The following EDAR variants were observed in gnomAD, a reference collection of about 807,000 sequenced individuals.
The protein encoded by EDAR is ectodysplasin A receptor.
A neutral mutation model predicts 51.3 loss-of-function variants in EDAR; 38 were observed. The observed-to-expected ratio is 0.74, with a 90% CI of 0.57 to 0.97. The LOEUF (loss-of-function observed/expected upper bound fraction) is 0.97. Ranked by LOEUF, EDAR falls within the 50% of genes least tolerant of loss-of-function variation. The pLI, the probability that EDAR is intolerant of heterozygous loss-of-function variation, is 0.00. For synonymous variants in EDAR, 227 were observed against 242.1 expected (o/e 0.94, Z 0.58); for missense variants, 528 against 595.0 (o/e 0.89, Z 1.17).
intron 5 of EDAR, among the ~76,000 whole-genome samples, chr2:108,919,244 G>C (rs751327914): frequency 5.9e-5 from 9 of 152,218 alleles, no homozygotes; most frequent in Non-Finnish European, 1.3e-4. Flanking sequence ...GAGTAGCAGA[G>C]ATTTCTCCAA....
At chr2:108,916,673 G>C (rs767256704) in intron 5 of EDAR, among the ~76,000 whole-genome samples, 20 of 152,308 alleles carry the variant, frequency 1.3e-4, no homozygotes, top group Non-Finnish European at 2.5e-4. Flanking sequence ...GTTGGTGAGA[G>C]AAATGCTTGC....
intron 1 of EDAR, among the ~76,000 whole-genome samples, chr2:108,976,297 G>C (rs1330514021): frequency 6.6e-6 from 1 of 152,190 alleles, no homozygotes. Flanking sequence ...ACTGAGAGTT[G>C]TCAGATGTTT....
chr2:108,899,531 CCTTCT>C (rs1473131522), intron 11 of EDAR, among the ~76,000 whole-genome samples: 1 of 152,198 alleles, frequency 6.6e-6, no homozygotes, highest in Non-Finnish European at 1.5e-5. Flanking sequence ...AATAGACTTT[CCTTCT>C]CTTTTTAAGT....
intron 4 of EDAR, among the ~76,000 whole-genome samples, 197 bp downstream of exon 4, chr2:108,929,001 T>G (rs1221865989): frequency 1.3e-5 from 2 of 152,234 alleles, no homozygotes; most frequent in African/African-American, 2.4e-5. Context: ...CAGAGCCTGA[T>G]GGGCTGCCTG....
At chr2:108,923,126 C>T (rs936567668) in intron 5 of EDAR, among the ~76,000 whole-genome samples, 4 of 152,188 alleles carry the variant, frequency 2.6e-5, no homozygotes, top group South Asian at 2.1e-4. Flanking sequence ...GGTTAAGTGA[C>T]TTGTCAGGTA....
chr2:108,932,300 G>A (rs1365196508), intron 1 of EDAR, among the ~76,000 whole-genome samples: 6 of 151,946 alleles, frequency 3.9e-5, no homozygotes, highest in Admixed American at 1.3e-4. Flanking sequence ...AGGCTGAGAC[G>A]GGCGGATCAC....
At chr2:108,933,446 G>C (rs958038968) in intron 1 of EDAR, among the ~76,000 whole-genome samples, 10 of 152,212 alleles carry the variant, frequency 6.6e-5, no homozygotes, top group African/African-American at 2.4e-4. Context: ...GGACAGACCT[G>C]ACTGGGGTCA....
At chr2:108,961,842 A>G (rs1299111986) in intron 1 of EDAR, among the ~76,000 whole-genome samples, 1 of 152,152 alleles carries the variant, frequency 6.6e-6, no homozygotes, top group East Asian at 1.9e-4. Context: ...CTTCACACTA[A>G]TGGCCCCTGT....
chr2:108,910,974 T>C lies in EDAR; in HGVS notation c.628A>G (p.Ile210Val). 6.2e-7 allele frequency: 1 copy of C among 1,614,124 alleles called. No individual in the cohort carries two copies. The highest frequency in any genetic ancestry group is 1.1e-5 in the South Asian group (1 of 91,066). The change falls in exon 7 of 12, where the codon ATC becomes GTC. Residue 210 changes from isoleucine (I) to valine (V), a missense_variant. By Grantham distance (29) the Ile-to-Val change is conservative (BLOSUM62 3). Coordinates refer to ENST00000258443, the MANE Select transcript of EDAR (RefSeq NM_022336.4). Reference sequence around the variant, plus strand: ...GGGGCAGAGGGCTTTGTCTTCAGGATGTAGAACATGATGATGAGGACGATG... The same window carrying C: ...GGGGCAGAGGGCTTTGTCTTCAGGACGTAGAACATGATGATGAGGACGATG... ...IAIVLIIMFY[I>V]LKTKPSAPAC... is the part of the protein sequence containing the mutation.
At chr2:108,976,966 T>TGC (rs1272083825) in intron 1 of EDAR, among the ~76,000 whole-genome samples, 2 of 152,138 alleles carry the variant, frequency 1.3e-5, no homozygotes, top group African/African-American at 2.4e-5. Flanking sequence ...CAGATCTGGG[T>TGC]GCACAGTGAG....
intron 1 of EDAR, among the ~76,000 whole-genome samples, chr2:108,931,456 C>T (rs1323806428): frequency 6.6e-6 from 1 of 152,202 alleles, no homozygotes; most frequent in Non-Finnish European, 1.5e-5. Context: ...GGTCTTTGCC[C>T]CTCTGGATGC....
chr2:108,923,400 G>A lies in EDAR; in HGVS notation c.410C>T (p.Ser137Phe). 1 of 1,614,220 alleles carries A rather than the reference G, an allele frequency of 6.2e-7. No homozygotes were observed. The highest frequency in any genetic ancestry group is 1.1e-5 in the South Asian group (1 of 91,082). ...PRNIYGMVCYSCLLAPPNTKE... is the reference protein window; with the variant it reads ...PRNIYGMVCYFCLLAPPNTKE... ...GGTGTTGGGGGGTGCCAGGAGGCAG[G>A]AGTAGCAGACCATGCCATAGATGTT... The change falls in exon 5 of 12, where the codon TCC (serine) becomes TTC (phenylalanine). Residue 137 changes from serine to phenylalanine, a missense_variant. Physicochemically the swap from Ser to Phe is radical, Grantham distance 155. Coordinates refer to ENST00000258443, the MANE Select transcript of EDAR (RefSeq NM_022336.4).
intron 1 of EDAR, among the ~76,000 whole-genome samples, chr2:108,943,749 C>T (rs1697655403): frequency 6.6e-6 from 1 of 152,134 alleles, no homozygotes; most frequent in African/African-American, 2.4e-5. Context: ...GAGATGAATC[C>T]ATGGGGCTGA....
At chr2:108,942,233 T>C (rs1041737957) in intron 1 of EDAR, among the ~76,000 whole-genome samples, 3 of 152,178 alleles carry the variant, frequency 2.0e-5, no homozygotes, top group African/African-American at 7.2e-5. Flanking sequence ...ATGGAGTCAA[T>C]GGCGGCTCAG....
At chr2:108,940,953 CA>C (rs1352383894) in intron 1 of EDAR, among the ~76,000 whole-genome samples, 4 of 152,202 alleles carry the variant, frequency 2.6e-5, no homozygotes, top group African/African-American at 9.7e-5. Context: ...AACGTATATA[CA>C]CCCCCTGTGG....
chr2:108,922,788 C>T (rs1697174261), intron 5 of EDAR, among the ~76,000 whole-genome samples: 1 of 152,180 alleles, frequency 6.6e-6, no homozygotes, highest in Non-Finnish European at 1.5e-5. Context: ...AGAGTCTACA[C>T]AGCACATTCC....
chr2:108,908,166 G>A lies in EDAR; in HGVS notation c.804-147C>T, dbSNP rs1696848652. On this transcript the variant is annotated intron_variant, in intron 9 of 11. Coordinates refer to ENST00000258443, the MANE Select transcript of EDAR (RefSeq NM_022336.4). Reference sequence around the variant, plus strand: ...TCAGGTGTTTACTGGGCACCTTGTGGGCACGGGACCAGGGGACATGAGACG... The same window carrying A: ...TCAGGTGTTTACTGGGCACCTTGTGAGCACGGGACCAGGGGACATGAGACG... The A allele has an allele frequency of 4.7e-6, 4 of 858,388 alleles. No individual in the cohort carries two copies. The African/African-American group carries it at 6.8e-5, about 15-fold the overall frequency. 53.2% of individuals were successfully genotyped at this position (858,388 alleles called of 1,614,324 possible). A position where few individuals can be genotyped will look rare whatever the true frequency, so the allele number is the denominator to read the frequency against.
At chr2:108,900,216 C>T (rs981175052) in intron 11 of EDAR, among the ~76,000 whole-genome samples, 1 of 152,092 alleles carries the variant, frequency 6.6e-6, no homozygotes, top group Non-Finnish European at 1.5e-5. Context: ...TATAAAATAG[C>T]AGACTTAAGC....
chr2:108,899,448 G>A (rs1488955379), intron 11 of EDAR, among the ~76,000 whole-genome samples: 3 of 152,134 alleles, frequency 2.0e-5, no homozygotes, highest in East Asian at 3.8e-4. Flanking sequence ...TCTATAAACA[G>A]AAAGGAAATA....
Sources: gnomAD v4.1 joint callset for allele counts (sites outside exome capture counted in the v4.1 genomes callset) on GRCh38, gnomAD v4.1.1 for gene constraint, MANE v1.5 for transcripts, NCBI Gene and HGNC (gene_info 2026-07-23, HGNC 2026-07-21) for gene names.